The following ZNF169 variants were observed in gnomAD, a reference collection of about 807,000 sequenced individuals.
ZNF169 encodes the protein zinc finger protein 169.
Under a neutral mutation model 12.0 loss-of-function variants are expected in ZNF169, and 11 were observed. The ratio of observed to expected loss-of-function variants is 0.92; its 90% CI spans 0.58 to 1.52. The LOEUF is 1.52. Among genes scored for constraint, ZNF169 ranks in the 40% most tolerant of loss-of-function variants. ZNF169 has a pLI of 0.00. For synonymous variants in ZNF169, 302 were observed against 286.5 expected (o/e 1.05, Z -0.55); for missense variants, 722 against 744.0 (o/e 0.97, Z 0.34).
intron 1 of ZNF169, among the ~76,000 whole-genome samples, chr9:94,276,936 G>A (rs1830531057): frequency 6.6e-6 from 1 of 152,128 alleles, no homozygotes; most frequent in African/African-American, 2.4e-5. Flanking sequence ...TATTTTCAGA[G>A]ATTTATTGTG....
At chr9:94,286,746 C>T (rs1564089290) in intron 2 of ZNF169, among the ~76,000 whole-genome samples, 1 of 152,188 alleles carries the variant, frequency 6.6e-6, no homozygotes, top group Non-Finnish European at 1.5e-5. Flanking sequence ...TCCAAGCTTA[C>T]AGCTGGAGCT....
rs1336381975 is a variant in ZNF169, at chr9:94,300,658, C to A, written c.1100C>A (p.Ser367Ter). ...GCATCACTCCTCCAGCACCAGAGCT[C>A]ACACACAGGGGAGAGGCCCTTCCTG... Reference protein sequence around the residue: ...QKASLLQHQSSHTGERPFLCL... With the variant: ...QKASLLQHQS Residue 367 changes from serine to a stop codon, truncating the protein, a stop_gained, in exon 5 of 5, where the codon TCA (serine) becomes TAA (stop). Coordinates refer to ENST00000395395, the MANE Select transcript of ZNF169 (RefSeq NM_194320.4). LOFTEE classifies it low-confidence loss of function (END_TRUNC). 2 of 1,614,036 alleles carry A rather than the reference C, an allele frequency of 1.2e-6. No individual in the cohort carries two copies.
intron 2 of ZNF169, among the ~76,000 whole-genome samples, chr9:94,284,380 G>C (rs1235732838): frequency 3.3e-5 from 5 of 152,116 alleles, no homozygotes; most frequent in Admixed American, 3.3e-4. Context: ...AGATGAGATC[G>C]TGCCACTGCA....
intron 1 of ZNF169, among the ~76,000 whole-genome samples, chr9:94,264,267 C>G (rs565373946): frequency 3.6e-4 from 55 of 152,218 alleles, no homozygotes; most frequent in African/African-American, 1.3e-3. Context: ...TTCCGAGTCA[C>G]TGGGATTACA....
chr9:94,300,436 G>A lies in ZNF169; in HGVS notation c.878G>A (p.Arg293Lys), dbSNP rs1172019912. 7.4e-6 allele frequency: 12 copies of A among 1,613,422 alleles called. No individual in the cohort carries two copies. Among genetic ancestry groups the A allele is most frequent in the Non-Finnish European group, 1.0e-5 (12 of 1,179,894 alleles). Residue 293 changes from arginine (R) to lysine (K), a missense_variant, in exon 5 of 5, where the codon AGG (arginine) becomes AAG (lysine). Coordinates refer to ENST00000395395, the MANE Select transcript of ZNF169 (RefSeq NM_194320.4). ...TCGGGGGAGAAGCCGTATGTGTGCA[G>A]GGAATGTGGGCGACACTTCAGGTAT... is the stretch of plus-strand genomic sequence containing the variant. ...KHSGEKPYVC[R>K]ECGRHFRYTS...
At chr9:94,263,381 C>T (rs1830238087) in intron 1 of ZNF169, among the ~76,000 whole-genome samples, 1 of 152,136 alleles carries the variant, frequency 6.6e-6, no homozygotes, top group Non-Finnish European at 1.5e-5. Context: ...TGTAGTTTAT[C>T]TGATAGTAAT....
rs775634639 is a variant in ZNF169 at position 94,299,771 on chromosome 9, A to G, written c.257-44A>G. On this transcript the variant is annotated intron_variant, in intron 4 of 4. Transcript: ENST00000395395. ...AACTGCTGGGCAGGTATTACAATCC[A>G]TGGTCACCTGTGGTGATTCTGACCA... is the stretch of plus-strand genomic sequence containing the variant. 7 of 1,558,486 alleles carry G rather than the reference A, an allele frequency of 4.5e-6. No individual in the cohort carries two copies. In the South Asian group the frequency reaches 8.6e-5, roughly 19 times the overall value.
Position 94,292,974 on chromosome 9 carries a change from G to A in ZNF169, c.161G>A (p.Gly54Glu), listed in dbSNP as rs1830876643. The A allele has an allele frequency of 6.2e-7, 1 of 1,609,434 alleles. No individual in the cohort carries two copies. Residue 54 changes from glycine (G) to glutamate (E), a missense_variant and splice_region_variant, in exon 4 of 5, where the codon GGA (glycine) becomes GAA (glutamate). Transcript: ENST00000395395. Reference protein sequence around the residue: ...LENYSHLVSLGIAFSKPKLIE... With the variant: ...LENYSHLVSLEIAFSKPKLIE... ...CTTGGTTTTTTTTTCCTGTGAGTAG[G>A]AATTGCATTTTCCAAACCAAAACTC...
intron 1 of ZNF169, among the ~76,000 whole-genome samples, chr9:94,262,766 G>T (rs1441966619): frequency 6.6e-6 from 1 of 152,108 alleles, no homozygotes; most frequent in Non-Finnish European, 1.5e-5. Flanking sequence ...GCTGAGAAGG[G>T]TCATGATTTC....
At chr9:94,297,584 G>A (rs138189416) in intron 4 of ZNF169, among the ~76,000 whole-genome samples, 9 of 152,170 alleles carry the variant, frequency 5.9e-5, no homozygotes, top group African/African-American at 2.2e-4. Flanking sequence ...CCCTCTTGCA[G>A]ATATGATCTT....
intron 1 of ZNF169, among the ~76,000 whole-genome samples, chr9:94,272,016 T>TTAA (rs1344153285): frequency 6.6e-6 from 1 of 152,172 alleles, no homozygotes; most frequent in Non-Finnish European, 1.5e-5. Flanking sequence ...TTTACAGATG[T>TTAA]AGGGCCACTC....
At chr9:94,286,257 G>A (rs1830718004) in intron 2 of ZNF169, among the ~76,000 whole-genome samples, 1 of 152,116 alleles carries the variant, frequency 6.6e-6, no homozygotes, top group South Asian at 2.1e-4. Flanking sequence ...AAGAATTCTT[G>A]GAATTTTGTG....
At chr9:94,266,099 A>G (rs1587668491) in intron 1 of ZNF169, among the ~76,000 whole-genome samples, 1 of 152,184 alleles carries the variant, frequency 6.6e-6, no homozygotes, top group Admixed American at 6.6e-5. Flanking sequence ...AAAAAAAAAA[A>G]AAAAAATTCT....
chr9:94,265,544 C>T (rs143258491), intron 1 of ZNF169, among the ~76,000 whole-genome samples: 10 of 150,684 alleles, frequency 6.6e-5, no homozygotes, highest in African/African-American at 2.4e-4. Flanking sequence ...CGCCCCATTG[C>T]ACTCCATCCT....
chr9:94,265,029 T>G (rs889169908), intron 1 of ZNF169, among the ~76,000 whole-genome samples: 1 of 148,402 alleles, frequency 6.7e-6, no homozygotes, highest in Non-Finnish European at 1.5e-5. Context: ...CTGTTTTTTT[T>G]TTTTTTTTTT....
At chr9:94,280,326 TC>T (rs1324128222) in intron 2 of ZNF169, among the ~76,000 whole-genome samples, 2 of 152,164 alleles carry the variant, frequency 1.3e-5, no homozygotes, top group Non-Finnish European at 2.9e-5. Context: ...ACTTTTTTCT[TC>T]CGTGTGTTGC....
At chr9:94,277,814 C>T (rs1830551718) in intron 1 of ZNF169, among the ~76,000 whole-genome samples, 1 of 151,824 alleles carries the variant, frequency 6.6e-6, no homozygotes, top group South Asian at 2.1e-4. Flanking sequence ...CGCCTGTAGT[C>T]CCAGCTACTC....
At chr9:94,294,803 G>A (rs553197731) in intron 4 of ZNF169, 6 of 152,196 alleles carry the variant, frequency 3.9e-5, no homozygotes, top group African/African-American at 1.2e-4. Flanking sequence ...TTATTGATTT[G>A]TAGAAATCCC....
intron 1 of ZNF169, among the ~76,000 whole-genome samples, chr9:94,271,852 G>T (rs1422738598): frequency 6.6e-6 from 1 of 152,006 alleles, no homozygotes; most frequent in Non-Finnish European, 1.5e-5. Flanking sequence ...TGCAGGAAGT[G>T]TATGGCTTTG....
Sources: gnomAD v4.1 joint callset for allele counts (sites outside exome capture counted in the v4.1 genomes callset) on GRCh38, gnomAD v4.1.1 for gene constraint, MANE v1.5 for transcripts, NCBI Gene and HGNC (gene_info 2026-07-23, HGNC 2026-07-21) for gene names.